The following PLAC8L1 variants were observed in gnomAD, a reference collection of about 807,000 sequenced individuals.
PLAC8L1 encodes PLAC8 like 1.
Under a neutral mutation model 16.3 loss-of-function variants are expected in PLAC8L1, and 13 were observed. That is an observed-to-expected ratio of 0.80 (90% CI 0.52 to 1.27). PLAC8L1 has a LOEUF of 1.27. Among genes scored for constraint, PLAC8L1 ranks in the 50% most tolerant of loss-of-function variants. The probability of loss-of-function intolerance (pLI) is 0.00; values close to 1 mark genes in which losing one functional copy is unlikely to be tolerated. For synonymous variants in PLAC8L1, 78 were observed against 79.3 expected, an observed-to-expected ratio of 0.98 and a Z score of 0.09; for missense variants, 184 against 220.2, an observed-to-expected ratio of 0.84 and a Z score of 1.04.
At chr5:146,089,607 T>A (rs1763576874) in intron 2 of PLAC8L1, among the ~76,000 whole-genome samples, 1 of 151,914 alleles carries the variant, frequency 6.6e-6, no homozygotes, top group African/African-American at 2.4e-5. Flanking sequence ...TATTACTATA[T>A]GTTCTCATGT....
intron 2 of PLAC8L1, among the ~76,000 whole-genome samples, chr5:146,095,816 G>T (rs1580977835): frequency 1.3e-5 from 2 of 152,164 alleles, no homozygotes; most frequent in Non-Finnish European, 2.9e-5. Flanking sequence ...CTCAGATGGG[G>T]ATAACACAAG....
chr5:146,087,839 C>T (rs1045429170), intron 2 of PLAC8L1, among the ~76,000 whole-genome samples: 6 of 152,182 alleles, frequency 3.9e-5, no homozygotes, highest in Admixed American at 3.3e-4. Flanking sequence ...AACTTACAAA[C>T]ATGGTGGAAG....
chr5:146,090,395 G>A (rs1345679805), intron 2 of PLAC8L1, among the ~76,000 whole-genome samples: 2 of 151,764 alleles, frequency 1.3e-5, no homozygotes, highest in African/African-American at 4.8e-5. Flanking sequence ...TTAGCCAGGT[G>A]GTAGTGGCGT....
chr5:146,103,602 C>A (rs990091341), intron 1 of PLAC8L1: 2 of 937,878 alleles, frequency 2.1e-6, no homozygotes, highest in East Asian at 2.3e-4. Flanking sequence ...GGTTGGTGAT[C>A]CTAACCCTCA....
chr5:146,096,263 T>C (rs1010266870), intron 2 of PLAC8L1, among the ~76,000 whole-genome samples: 1 of 152,224 alleles, frequency 6.6e-6, no homozygotes, highest in Admixed American at 6.5e-5. Context: ...CAAATCTCTC[T>C]CTTCTTATAA....
intron 2 of PLAC8L1, among the ~76,000 whole-genome samples, chr5:146,095,766 A>C (rs1763708767): frequency 6.6e-6 from 1 of 152,208 alleles, no homozygotes; most frequent in African/African-American, 2.4e-5. Context: ...CACATGATAC[A>C]AGCTGAGCAA....
intron 2 of PLAC8L1, among the ~76,000 whole-genome samples, chr5:146,092,137 G>A (rs1270374974): frequency 5.3e-5 from 8 of 152,156 alleles, no homozygotes; most frequent in Non-Finnish European, 1.0e-4. Context: ...GGAGCCCCGA[G>A]ATTAGAAGTA....
rs953021567 is a variant in PLAC8L1 at position 146,098,397 on chromosome 5, C to T, written c.120-105G>A. ...AAGAAGAGATAGGGACCCAATGATGCCAAGGGGCTCATAGCCCAAATCGAC... is the reference window on the plus strand; with the variant it reads ...AAGAAGAGATAGGGACCCAATGATGTCAAGGGGCTCATAGCCCAAATCGAC... On this transcript the variant is annotated intron_variant, in intron 1 of 3. Transcript: ENST00000311450. The T allele has an allele frequency of 3.6e-6, 4 of 1,126,582 alleles. No homozygotes were observed. The African/African-American group carries it at 4.7e-5, about 13-fold the overall frequency. The allele number at this position is 1,126,582 out of a possible 1,614,324, so 69.8% of individuals were successfully genotyped here.
chr5:146,085,835 G>A (rs1763501421), intron 2 of PLAC8L1, among the ~76,000 whole-genome samples: 2 of 152,090 alleles, frequency 1.3e-5, no homozygotes, highest in African/African-American at 4.8e-5. Flanking sequence ...ATACAATTCT[G>A]TTAGCATTGA....
intron 1 of PLAC8L1, among the ~76,000 whole-genome samples, chr5:146,098,514 T>C (rs551200089): frequency 3.5e-4 from 53 of 152,332 alleles, no homozygotes; most frequent in Middle Eastern, 3.4e-3. Flanking sequence ...TTCTAAATCC[T>C]GACACACAAA....
intron 2 of PLAC8L1, among the ~76,000 whole-genome samples, chr5:146,096,188 G>T (rs1763715725): frequency 6.6e-6 from 1 of 152,184 alleles, no homozygotes; most frequent in South Asian, 2.1e-4. Flanking sequence ...TCCTTGGCTT[G>T]CAGATGTGTC....
In PLAC8L1 at chr5:146,090,450, C is replaced by T. The variant is rs192232622; in HGVS notation, c.257-4853G>A. ...CTCAGGAGGTTGAGGTGGAAGAATC[C>T]CTTGAGCTTGAGAGGTGGAGGTTGC... On this transcript the variant is annotated intron_variant, in intron 2 of 3. Coordinates refer to ENST00000311450, the MANE Select transcript of PLAC8L1 (RefSeq NM_001029869.3). 4.2e-3 allele frequency among the ~76,000 whole-genome samples: 637 copies of T among 151,692 alleles called. 5 individuals are homozygous for T. The highest frequency in any genetic ancestry group is 0.014 in the African/African-American group (596 of 41,342).
chr5:146,094,397 A>G (rs746985178), intron 2 of PLAC8L1, among the ~76,000 whole-genome samples: 2 of 152,154 alleles, frequency 1.3e-5, no homozygotes, highest in Non-Finnish European at 2.9e-5. Context: ...TTTGTTTATT[A>G]TCCATCTCCT....
At chr5:146,102,041 T>C (rs1212747539) in intron 1 of PLAC8L1, among the ~76,000 whole-genome samples, 4 of 66,178 alleles carry the variant, frequency 6.0e-5, no homozygotes, top group East Asian at 6.8e-4. Context: ...GTGTTTACCC[T>C]TTTTTTTTTT....
intron 2 of PLAC8L1, among the ~76,000 whole-genome samples, chr5:146,087,092 G>A (rs535421026): frequency 6.6e-6 from 1 of 152,132 alleles, no homozygotes; most frequent in Admixed American, 6.5e-5. Context: ...TTCTAGATGA[G>A]TTTTGCCTCT....
At chr5:146,089,718 T>G (rs573201666) in intron 2 of PLAC8L1, among the ~76,000 whole-genome samples, 1 of 151,710 alleles carries the variant, frequency 6.6e-6, no homozygotes, top group East Asian at 1.9e-4. Flanking sequence ...TGGGGTAGTC[T>G]TAAGTCAGGC....
chr5:146,091,138 G>C (rs1763612918), intron 2 of PLAC8L1, among the ~76,000 whole-genome samples: 1 of 152,158 alleles, frequency 6.6e-6, no homozygotes, highest in African/African-American at 2.4e-5. Context: ...GTAGAAATTA[G>C]CACAGCCACT....
At chr5:146,084,902 T>A (rs913801259) in intron 3 of PLAC8L1, among the ~76,000 whole-genome samples, 1 of 152,208 alleles carries the variant, frequency 6.6e-6, no homozygotes, top group Non-Finnish European at 1.5e-5. Flanking sequence ...TAAGTGAACA[T>A]GGCCTAAAAT....
intron 2 of PLAC8L1, among the ~76,000 whole-genome samples, chr5:146,096,310 A>C (rs998807743): frequency 6.6e-6 from 1 of 152,176 alleles, no homozygotes; most frequent in African/African-American, 2.4e-5. Flanking sequence ...ACTACATTGT[A>C]AAGACTCTAT....
Sources: allele counts gnomAD v4.1 joint callset (sites outside exome capture counted in the v4.1 genomes callset), GRCh38; gene constraint gnomAD v4.1.1; transcripts MANE v1.5; gene names NCBI Gene and HGNC (gene_info 2026-07-23, HGNC 2026-07-21).